Variants in EXT1 observed in about 807,000 individuals in gnomAD.
The protein encoded by EXT1 is exostosin-1.
EXT1 carries 20 observed loss-of-function variants against 82.5 expected under a neutral mutation model. The ratio of observed to expected loss-of-function variants is 0.24; its 90% CI spans 0.17 to 0.35. The LOEUF (loss-of-function observed/expected upper bound fraction) is 0.35. EXT1 is among the 10% of genes least tolerant of loss of function. EXT1 has a pLI of 1.00. For missense variants in EXT1, 757 were observed against 936.5 expected (o/e 0.81, Z 2.50); for synonymous variants, 348 against 350.8 (o/e 0.99, Z 0.09).
intron 1 of EXT1, among the ~76,000 whole-genome samples, chr8:118,072,091 G>C (rs1013991696): frequency 6.6e-6 from 1 of 152,156 alleles, no homozygotes; most frequent in Non-Finnish European, 1.5e-5. Flanking sequence ...TACTCACTTT[G>C]GGCAGGTATT....
chr8:117,878,818 C>A (rs1322980106), intron 1 of EXT1, among the ~76,000 whole-genome samples: 3 of 152,248 alleles, frequency 2.0e-5, no homozygotes, highest in Non-Finnish European at 4.4e-5. Context: ...ATGAGGATGT[C>A]ATGCCAGTGG....
chr8:117,841,328 C>T (rs947983741), intron 1 of EXT1, among the ~76,000 whole-genome samples: 3 of 152,046 alleles, frequency 2.0e-5, no homozygotes, highest in African/African-American at 7.2e-5. Context: ...ACTGTTGAAT[C>T]CTTTCTATAT....
intron 1 of EXT1, among the ~76,000 whole-genome samples, chr8:118,049,515 C>A (rs1321035189): frequency 6.6e-6 from 1 of 152,084 alleles, no homozygotes; most frequent in Non-Finnish European, 1.5e-5. Context: ...GGAAAGGGGG[C>A]CAGAAGGACA....
intron 1 of EXT1, among the ~76,000 whole-genome samples, chr8:117,875,494 G>A (rs1812954111): frequency 6.6e-6 from 1 of 151,758 alleles, no homozygotes; most frequent in Admixed American, 6.6e-5. Context: ...GATGGCAAAG[G>A]AAGAAGCCTT....
chr8:118,006,548 G>A (rs17453707), intron 1 of EXT1, among the ~76,000 whole-genome samples: 4,595 of 152,212 alleles, frequency 0.03, 99 homozygotes, highest in Middle Eastern at 0.051. Flanking sequence ...GTCAAAAATC[G>A]TAACAATAAT....
chr8:118,081,109 T>C (rs978684568), intron 1 of EXT1, among the ~76,000 whole-genome samples: 1 of 152,136 alleles, frequency 6.6e-6, no homozygotes, highest in Non-Finnish European at 1.5e-5. Flanking sequence ...AAAAGACAGA[T>C]ACCAGAATCA....
At chr8:118,036,778 G>C (rs10087091) in intron 1 of EXT1, among the ~76,000 whole-genome samples, 7,313 of 152,106 alleles carry the variant, frequency 0.048, 430 homozygotes, top group African/African-American at 0.14. Flanking sequence ...TCCAGGCTTT[G>C]TTCTTCCTAC....
intron 1 of EXT1, among the ~76,000 whole-genome samples, chr8:118,053,619 G>A (rs867285106): frequency 3.9e-5 from 6 of 152,258 alleles, no homozygotes; most frequent in African/African-American, 1.4e-4. Flanking sequence ...TTCCAATAAA[G>A]GAGGAGTAAT....
At chr8:117,873,535 A>G (rs963472403) in intron 1 of EXT1, among the ~76,000 whole-genome samples, 1 of 145,120 alleles carries the variant, frequency 6.9e-6, no homozygotes, top group Admixed American at 7.2e-5. Context: ...GGCTCACTAT[A>G]ACCTCTGCCT....
At chr8:118,060,048 C>A (rs1816858638) in intron 1 of EXT1, among the ~76,000 whole-genome samples, 1 of 152,148 alleles carries the variant, frequency 6.6e-6, no homozygotes, top group South Asian at 2.1e-4. Flanking sequence ...AAAATACTAC[C>A]ATCATCACAA....
Position 118,110,703 on chromosome 8 carries a change from T to C in EXT1, c.344A>G (p.Lys115Arg), listed in dbSNP as rs146127753. 5.6e-6 allele frequency: 9 copies of C among 1,614,110 alleles called. No individual in the cohort carries two copies. In the African/African-American group the frequency reaches 6.7e-5, roughly 12 times the overall value. The change falls in exon 1 of 11, where the codon AAA (lysine) becomes AGA (arginine). Residue 115 changes from lysine to arginine, a missense_variant. Transcript: ENST00000378204. ...TTTTTGCTGTGGGTATACGTAGACT[T>C]TGAAGCCGTTTTTCTTGCAAAGGGT... ...DFTLCKKNGF[K>R]VYVYPQQKGE...
intron 1 of EXT1, among the ~76,000 whole-genome samples, chr8:118,096,559 C>A (rs1307231974): frequency 2.0e-5 from 3 of 150,752 alleles, no homozygotes; most frequent in Non-Finnish European, 4.4e-5. Flanking sequence ...CGAGATCACG[C>A]CACTGCGGCC....
intron 1 of EXT1, among the ~76,000 whole-genome samples, chr8:117,991,849 A>ACC (rs1815441795): frequency 6.6e-6 from 1 of 152,228 alleles, no homozygotes; most frequent in Non-Finnish European, 1.5e-5. Flanking sequence ...GGCATGAGCC[A>ACC]CCACACCTAG....
Position 118,098,707 on chromosome 8 carries a change from C to T in EXT1, c.962+11378G>A, listed in dbSNP as rs138456789. On this transcript the variant is annotated intron_variant, in intron 1 of 10. Coordinates refer to ENST00000378204, the MANE Select transcript of EXT1 (RefSeq NM_000127.3). Reference sequence around the variant, plus strand: ...CCGGGAGGCGGAGCGTGCAGTGAGCCGAGTTCGCACCACTGCACCCCAGCC... The same window carrying T: ...CCGGGAGGCGGAGCGTGCAGTGAGCTGAGTTCGCACCACTGCACCCCAGCC... Among the ~76,000 whole-genome samples the T allele has an allele frequency of 1.4e-4, 21 of 149,350 alleles. No homozygotes were observed. The East Asian group carries it at 3.7e-3, about 27-fold the overall frequency.
At chr8:117,848,411 C>A (rs954176236) in intron 1 of EXT1, among the ~76,000 whole-genome samples, 2 of 152,174 alleles carry the variant, frequency 1.3e-5, no homozygotes, top group African/African-American at 4.8e-5. Context: ...CCTCCTCCTC[C>A]AGCTGGCCAT....
At chr8:117,885,942 T>TGG (rs1813140307) in intron 1 of EXT1, among the ~76,000 whole-genome samples, 1 of 151,870 alleles carries the variant, frequency 6.6e-6, no homozygotes, top group Non-Finnish European at 1.5e-5. Context: ...GATCCTAGAG[T>TGG]ATGGTGGAAT....
intron 7 of EXT1, among the ~76,000 whole-genome samples, chr8:117,817,009 G>A (rs1401041225): frequency 1.3e-5 from 2 of 152,180 alleles, no homozygotes; most frequent in African/African-American, 4.8e-5. Flanking sequence ...ATGGATATAA[G>A]GGCCTGCATG....
intron 1 of EXT1, among the ~76,000 whole-genome samples, chr8:117,914,915 T>G (rs1813718556): frequency 6.6e-6 from 1 of 152,218 alleles, no homozygotes; most frequent in South Asian, 2.1e-4. Flanking sequence ...CAGAAGCATG[T>G]GATCTTTATT....
At chr8:117,914,358 T>C (rs904605943) in intron 1 of EXT1, among the ~76,000 whole-genome samples, 2 of 152,212 alleles carry the variant, frequency 1.3e-5, no homozygotes, top group African/African-American at 4.8e-5. Context: ...ACGGTATAAA[T>C]TGATTGTAAA....
Sources: gnomAD v4.1 joint callset for allele counts (sites outside exome capture counted in the v4.1 genomes callset) on GRCh38, gnomAD v4.1.1 for gene constraint, MANE v1.5 for transcripts, NCBI Gene and HGNC (gene_info 2026-07-23, HGNC 2026-07-21) for gene names.